Variants in CNTN4 observed in about 807,000 individuals in gnomAD.
CNTN4 encodes the protein contactin 4, also known as contactin-4.
In CNTN4, 77 loss-of-function variants were observed where a neutral mutation model predicts 122.5. The observed-to-expected ratio is 0.63, with a 90% confidence interval of 0.52 to 0.76. CNTN4 has a LOEUF of 0.76. Among genes scored for constraint, CNTN4 ranks in the 30% least tolerant of loss-of-function variants. The pLI is 0.00. For missense variants in CNTN4, 1,256 were observed against 1,259.1 expected (o/e 1.00, Z 0.04); for synonymous variants, 512 against 447.0 (o/e 1.15, Z -1.83).
intron 13 of CNTN4, among the ~76,000 whole-genome samples, chr3:2,978,121 A>G (rs1241965027): frequency 6.6e-6 from 1 of 152,148 alleles, no homozygotes; most frequent in African/African-American, 2.4e-5. Context: ...CCACTGCCAG[A>G]GTATAGATCT....
intron 13 of CNTN4, among the ~76,000 whole-genome samples, chr3:2,934,332 G>A (rs183004143): frequency 8.3e-4 from 126 of 152,318 alleles, no homozygotes; most frequent in Non-Finnish European, 1.8e-4. Flanking sequence ...CATGTGTCTT[G>A]TCTATAGACA....
At chr3:2,248,871 G>A (rs767385032) in intron 2 of CNTN4, among the ~76,000 whole-genome samples, 1 of 151,968 alleles carries the variant, frequency 6.6e-6, no homozygotes, top group Non-Finnish European at 1.5e-5. Context: ...ATTTTAAGAA[G>A]AGGATTTGTT....
At chr3:2,758,208 C>G (rs1027575401) in intron 6 of CNTN4, among the ~76,000 whole-genome samples, 2 of 152,124 alleles carry the variant, frequency 1.3e-5, no homozygotes, top group African/African-American at 4.8e-5. Context: ...ACTTTCTTCT[C>G]AAATGCTGAA....
rs80087507 is a variant in CNTN4, at chr3:2,691,259, A to G, written c.56-44956A>G. On this transcript the variant is annotated intron_variant, in intron 4 of 24. Coordinates refer to ENST00000418658, the MANE Select transcript of CNTN4 (RefSeq NM_175607.3). ...CTTTATTCCTCATTGATCATATTAT[A>G]AACCACCTTACCTATAATATGCCCT... Among the ~76,000 whole-genome samples the G allele has an allele frequency of 3.9e-5, 6 of 152,292 alleles. No individual in the cohort carries two copies. The East Asian group carries it at 1.2e-3, about 29-fold the overall frequency.
chr3:2,342,135 G>A (rs1455836688), intron 3 of CNTN4, among the ~76,000 whole-genome samples: 2 of 152,166 alleles, frequency 1.3e-5, no homozygotes, highest in African/African-American at 4.8e-5. Context: ...TGTTTTCAAA[G>A]CTCTGTACTT....
intron 2 of CNTN4, among the ~76,000 whole-genome samples, chr3:2,328,328 C>T (rs1157801706): frequency 5.3e-5 from 8 of 150,514 alleles, no homozygotes; most frequent in African/African-American, 1.7e-4. Context: ...ATGGCGGGAA[C>T]CCGGGAGGCG....
At chr3:2,368,799 C>T (rs1489953710) in intron 3 of CNTN4, among the ~76,000 whole-genome samples, 3 of 152,170 alleles carry the variant, frequency 2.0e-5, no homozygotes, top group African/African-American at 7.2e-5. Context: ...GGTTAACTTA[C>T]AGCCACATCT....
chr3:2,986,244 A>C (rs1358443702), intron 13 of CNTN4, among the ~76,000 whole-genome samples: 2 of 152,168 alleles, frequency 1.3e-5, no homozygotes, highest in Non-Finnish European at 2.9e-5. Context: ...GATGAAAGAG[A>C]ACCACTGCCT....
intron 2 of CNTN4, among the ~76,000 whole-genome samples, chr3:2,143,288 C>T (rs182814540): frequency 1.8e-4 from 27 of 152,288 alleles, no homozygotes; most frequent in Admixed American, 1.6e-3. Context: ...CAGTTACCTT[C>T]ACAAATATTC....
chr3:2,430,059 G>A (rs1378966460), intron 3 of CNTN4, among the ~76,000 whole-genome samples: 1 of 152,060 alleles, frequency 6.6e-6, no homozygotes, highest in Non-Finnish European at 1.5e-5. Context: ...CATGGTCCAT[G>A]GGCTGCACCT....
chr3:2,707,882 T>G (rs1413095050), intron 4 of CNTN4, among the ~76,000 whole-genome samples: 1 of 152,156 alleles, frequency 6.6e-6, no homozygotes, highest in African/African-American at 2.4e-5. Context: ...CATTTGCGAG[T>G]AAGGTAGCAA....
chr3:2,796,096 G>A (rs1415073196), intron 6 of CNTN4, among the ~76,000 whole-genome samples: 1 of 152,052 alleles, frequency 6.6e-6, no homozygotes, highest in Non-Finnish European at 1.5e-5. Flanking sequence ...TAAAGGTTAA[G>A]GTTGTCTTTG....
At chr3:2,600,066 G>T (rs1486738399) in intron 4 of CNTN4, among the ~76,000 whole-genome samples, 1 of 129,646 alleles carries the variant, frequency 7.7e-6, no homozygotes, top group Non-Finnish European at 1.6e-5. Flanking sequence ...GTCAATAAAG[G>T]GCAGAAGTTT....
At chr3:2,976,248 A>G (rs936349062) in intron 13 of CNTN4, among the ~76,000 whole-genome samples, 6 of 152,218 alleles carry the variant, frequency 3.9e-5, no homozygotes, top group African/African-American at 1.4e-4. Context: ...AGTTATTGCC[A>G]GGTTATTTTA....
chr3:2,815,328 G>T (rs1337048673), intron 6 of CNTN4, among the ~76,000 whole-genome samples: 2 of 152,082 alleles, frequency 1.3e-5, no homozygotes, highest in Non-Finnish European at 2.9e-5. Flanking sequence ...GAAACTCTTC[G>T]TCATCTATAC....
At chr3:2,633,209 C>T (rs552931611) in intron 4 of CNTN4, among the ~76,000 whole-genome samples, 77 of 152,138 alleles carry the variant, frequency 5.1e-4, no homozygotes, top group Non-Finnish European at 7.2e-4. Context: ...ACGAAGGCTA[C>T]AACAGCTGGG....
chr3:2,270,463 T>TATATATACACAC (rs778207008), intron 2 of CNTN4, among the ~76,000 whole-genome samples: 8 of 151,824 alleles, frequency 5.3e-5, no homozygotes, highest in African/African-American at 1.9e-4. Context: ...AGGGTATATA[T>TATATATACACAC]ATATATGGGA....
chr3:2,678,852 A>G (rs568140836), intron 4 of CNTN4, among the ~76,000 whole-genome samples: 1 of 152,298 alleles, frequency 6.6e-6, no homozygotes, highest in East Asian at 1.9e-4. Flanking sequence ...CTCTTGCCCT[A>G]GAAAGTCAAC....
intron 4 of CNTN4, among the ~76,000 whole-genome samples, chr3:2,694,959 G>T (rs2085945329): frequency 6.6e-6 from 1 of 152,096 alleles, no homozygotes; most frequent in Admixed American, 6.6e-5. Flanking sequence ...TTTTAAAAAG[G>T]AATCTTATAA....
Sources: gnomAD v4.1 joint callset for allele counts (sites outside exome capture counted in the v4.1 genomes callset) on GRCh38, gnomAD v4.1.1 for gene constraint, MANE v1.5 for transcripts, NCBI Gene and HGNC (gene_info 2026-07-23, HGNC 2026-07-21) for gene names.